The following TMEM156 variants were observed in gnomAD, a reference collection of about 807,000 sequenced individuals.
TMEM156 encodes transmembrane protein 156.
TMEM156 carries 28 observed loss-of-function variants against 30.5 expected under a neutral mutation model. That is an observed-to-expected ratio of 0.92 (90% CI 0.68 to 1.26). The LOEUF (loss-of-function observed/expected upper bound fraction) is 1.26. Ranked by LOEUF, TMEM156 falls within the 50% of genes most tolerant of loss-of-function variation. TMEM156 has a pLI of 0.00. For missense variants in TMEM156, 351 were observed against 340.6 expected (o/e 1.03, Z -0.24); for synonymous variants, 137 against 119.9 (o/e 1.14, Z -0.93).
At chr4:38,981,558 C>T (rs1010966339) in intron 5 of TMEM156, among the ~76,000 whole-genome samples, 2 of 152,156 alleles carry the variant, frequency 1.3e-5, no homozygotes, top group African/African-American at 2.4e-5. Context: ...CCCAGTCCCC[C>T]AGTTCACTAT....
intron 3 of TMEM156, among the ~76,000 whole-genome samples, chr4:38,989,830 A>G (rs1388452414): frequency 6.6e-6 from 1 of 151,252 alleles, no homozygotes; most frequent in Non-Finnish European, 1.5e-5. Context: ...ACAGAGTTTC[A>G]CTCTTGTTGC....
chr4:39,024,004 G>T (rs980630382), intron 1 of TMEM156, among the ~76,000 whole-genome samples: 2 of 152,220 alleles, frequency 1.3e-5, no homozygotes, highest in Non-Finnish European at 2.9e-5. Context: ...AGATTTGAAA[G>T]GAAAGAGCCA....
At position 38,993,930 on chromosome 4, in the gene TMEM156, A is replaced by G. The variant is rs531321351; in HGVS notation, c.427T>C (p.Phe143Leu). 1 of 1,614,112 alleles carries G rather than the reference A, an allele frequency of 6.2e-7. No homozygotes were observed. Among genetic ancestry groups the G allele is most frequent in the South Asian group, 1.1e-5 (1 of 91,080 alleles). The change falls in exon 3 of 7, where the codon TTC (phenylalanine) becomes CTC (leucine). Residue 143 changes from phenylalanine to leucine, a missense_variant. Coordinates refer to ENST00000381938, the MANE Select transcript of TMEM156 (RefSeq NM_024943.3). ...DFHSPCQHFN[F>L]SVAPLVDHLE... ...TGGTCAACCAGAGGAGCTACACTGAAGTTAAAGTGCTGACAAGGTGAATGA... is the reference window on the plus strand; with the variant it reads ...TGGTCAACCAGAGGAGCTACACTGAGGTTAAAGTGCTGACAAGGTGAATGA...
At chr4:39,025,559 A>G (rs1350612878) in intron 1 of TMEM156, among the ~76,000 whole-genome samples, 3 of 152,158 alleles carry the variant, frequency 2.0e-5, no homozygotes, top group Non-Finnish European at 4.4e-5. Flanking sequence ...GGATTTATTC[A>G]TAGGATATTT....
chr4:38,977,775 A>G (rs976833289), intron 5 of TMEM156, among the ~76,000 whole-genome samples: 1 of 152,184 alleles, frequency 6.6e-6, no homozygotes, highest in East Asian at 1.9e-4. Context: ...CCCAGTCTGA[A>G]TTTTGACCTG....
chr4:38,991,341 A>C (rs1205000111), intron 3 of TMEM156, among the ~76,000 whole-genome samples: 1 of 150,354 alleles, frequency 6.7e-6, no homozygotes, highest in African/African-American at 2.5e-5. Context: ...CTCCTGCCTC[A>C]GTCTCTGAAG....
At chr4:39,000,842 G>T (rs561400326) in intron 1 of TMEM156, among the ~76,000 whole-genome samples, 1 of 151,782 alleles carries the variant, frequency 6.6e-6, no homozygotes, top group African/African-American at 2.4e-5. Flanking sequence ...AGCCAAGATC[G>T]CACCACTGCA....
At chr4:39,025,329 C>T (rs917392749) in intron 1 of TMEM156, among the ~76,000 whole-genome samples, 1 of 105,950 alleles carries the variant, frequency 9.4e-6, no homozygotes, top group East Asian at 3.0e-4. Flanking sequence ...GCCTGGGTGA[C>T]AGAGCAAGAC....
chr4:38,991,188 GA>G lies in TMEM156; in HGVS notation c.620-2219del, dbSNP rs575619334. On this transcript the variant is annotated intron_variant, in intron 3 of 6. Coordinates refer to ENST00000381938, the MANE Select transcript of TMEM156 (RefSeq NM_024943.3). The stretch of plus-strand genomic sequence containing the variant: ...GTTTTTGCACAGCAGAGTAAACTAT[GA>G]ATAAAGTTTTAACTGTCTTTTTCTT... Among the ~76,000 whole-genome samples the G allele has an allele frequency of 1.1e-4, 16 of 147,710 alleles. No homozygotes were observed. In the East Asian group the frequency reaches 3.2e-3, roughly 30 times the overall value.
chr4:38,968,145 A>C (rs1722431123), intron 6 of TMEM156, among the ~76,000 whole-genome samples: 1 of 152,198 alleles, frequency 6.6e-6, no homozygotes, highest in East Asian at 1.9e-4. Context: ...TTCTCAGCCT[A>C]GGACCAAGGA....
intron 3 of TMEM156, among the ~76,000 whole-genome samples, chr4:38,993,509 T>A (rs1433577081): frequency 3.9e-5 from 6 of 152,128 alleles, no homozygotes; most frequent in African/African-American, 1.4e-4. Flanking sequence ...GCTCCTCAAA[T>A]CGTGACCCAT....
At position 38,994,056 on chromosome 4, in the gene TMEM156, C is replaced by A. The variant is rs1009572715; in HGVS notation, c.359-58G>T. 41 of 1,446,066 alleles carry A rather than the reference C, an allele frequency of 2.8e-5. No homozygotes were observed. The Middle Eastern group carries it at 1.6e-3, about 57-fold the overall frequency. 89.6% of individuals were successfully genotyped at this position (1,446,066 alleles called of 1,614,324 possible). ...AATATTAATACATAGCAAGAAAACA[C>A]ATACAATTCAAAACTAAATCTCTTC... On this transcript the variant is annotated intron_variant, in intron 2 of 6. Coordinates refer to ENST00000381938, the MANE Select transcript of TMEM156 (RefSeq NM_024943.3).
At chr4:39,000,696 G>A (rs933144511) in intron 1 of TMEM156, among the ~76,000 whole-genome samples, 1 of 152,024 alleles carries the variant, frequency 6.6e-6, no homozygotes, top group Admixed American at 6.6e-5. Context: ...AGACCAGCCT[G>A]GCCAACATAG....
At chr4:38,990,251 A>G (rs1271790162) in intron 3 of TMEM156, among the ~76,000 whole-genome samples, 1 of 152,216 alleles carries the variant, frequency 6.6e-6, no homozygotes, top group Middle Eastern at 3.2e-3. Context: ...CTTTACAGGA[A>G]CCCAGATGTA....
chr4:39,026,117 A>G (rs1002561053), intron 1 of TMEM156, among the ~76,000 whole-genome samples: 12 of 152,212 alleles, frequency 7.9e-5, no homozygotes, highest in Admixed American at 4.6e-4. Flanking sequence ...AAATCAGATA[A>G]TTTTAAAAAA....
At chr4:39,003,765 G>C (rs1472261522) in intron 1 of TMEM156, among the ~76,000 whole-genome samples, 1 of 152,084 alleles carries the variant, frequency 6.6e-6, no homozygotes, top group East Asian at 1.9e-4. Flanking sequence ...ATGAAAAACT[G>C]ATTTCTTGCC....
chr4:39,007,609 C>A (rs1287627683), intron 1 of TMEM156, among the ~76,000 whole-genome samples: 1 of 152,040 alleles, frequency 6.6e-6, no homozygotes, highest in African/African-American at 2.4e-5. Flanking sequence ...CACGTGCCAC[C>A]ACACCCAGCT....
chr4:39,030,407 A>G (rs759887556), intron 1 of TMEM156, among the ~76,000 whole-genome samples: 6 of 152,158 alleles, frequency 3.9e-5, no homozygotes, highest in Non-Finnish European at 5.9e-5. Context: ...AGGCCAAGGA[A>G]GTTTGGCTAA....
chr4:39,016,991 A>G (rs1403249813), intron 1 of TMEM156, among the ~76,000 whole-genome samples: 1 of 152,074 alleles, frequency 6.6e-6, no homozygotes, highest in Non-Finnish European at 1.5e-5. Context: ...GGGAACTCCC[A>G]TTTATAAAAC....
Sources: gnomAD v4.1 joint callset for allele counts (sites outside exome capture counted in the v4.1 genomes callset) on GRCh38, gnomAD v4.1.1 for gene constraint, MANE v1.5 for transcripts, NCBI Gene and HGNC (gene_info 2026-07-23, HGNC 2026-07-21) for gene names.